CDH20: variants seen among roughly 807,000 people sequenced by gnomAD.
The protein encoded by CDH20 is cadherin 20.
Under a neutral mutation model 74.2 loss-of-function variants are expected in CDH20, and 29 were observed. That is an observed-to-expected ratio of 0.39 (90% CI 0.29 to 0.53). CDH20 has a LOEUF of 0.53. Among genes scored for constraint, CDH20 ranks in the 20% least tolerant of loss-of-function variants. The probability of loss-of-function intolerance (pLI) is 0.69; values close to 1 mark genes in which losing one functional copy is unlikely to be tolerated. For missense variants in CDH20, 988 were observed against 1,048.3 expected (o/e 0.94, Z 0.79); for synonymous variants, 469 against 405.4 (o/e 1.16, Z -1.88).
intron 1 of CDH20, among the ~76,000 whole-genome samples, chr18:61,364,587 C>T (rs569794102): frequency 8.7e-4 from 133 of 152,228 alleles, no homozygotes; most frequent in Non-Finnish European, 1.7e-3. Context: ...GCTGGGATTA[C>T]AGGCGTGAGC....
At chr18:61,467,557 C>T (rs1910003813) in intron 1 of CDH20, among the ~76,000 whole-genome samples, 1 of 152,146 alleles carries the variant, frequency 6.6e-6, no homozygotes, top group Admixed American at 6.6e-5. Flanking sequence ...GAAAAATTCA[C>T]TCCCTCCCTC....
intron 1 of CDH20, among the ~76,000 whole-genome samples, chr18:61,408,432 A>T: frequency 6.6e-6 from 1 of 152,196 alleles, no homozygotes; most frequent in Non-Finnish European, 1.5e-5. Flanking sequence ...AGGCTGGATG[A>T]TCTCTGGTTT....
chr18:61,393,279 C>T (rs1911854930), intron 1 of CDH20, among the ~76,000 whole-genome samples: 2 of 152,160 alleles, frequency 1.3e-5, no homozygotes, highest in Admixed American at 1.3e-4. Flanking sequence ...ACAGTGCCTG[C>T]CAAATCCAGC....
At chr18:61,349,828 C>A (rs145065193) in intron 1 of CDH20, among the ~76,000 whole-genome samples, 1 of 151,774 alleles carries the variant, frequency 6.6e-6, no homozygotes, top group African/African-American at 2.4e-5. Context: ...TCTCACGCTG[C>A]AGGTTGTCAC....
At chr18:61,428,976 G>A (rs942911868) in intron 1 of CDH20, among the ~76,000 whole-genome samples, 4 of 152,006 alleles carry the variant, frequency 2.6e-5, no homozygotes, top group Admixed American at 6.6e-5. Context: ...ACTTGTCTAT[G>A]CCACAGTAGT....
intron 1 of CDH20, among the ~76,000 whole-genome samples, chr18:61,334,911 G>A (rs1909706613): frequency 6.6e-6 from 1 of 152,000 alleles, no homozygotes; most frequent in Non-Finnish European, 1.5e-5. Flanking sequence ...CCTGCAAATT[G>A]AACCTGCAGC....
intron 1 of CDH20, among the ~76,000 whole-genome samples, chr18:61,363,500 A>G (rs1870342060): frequency 6.6e-6 from 1 of 152,236 alleles, no homozygotes; most frequent in Non-Finnish European, 1.5e-5. Flanking sequence ...AGACGTCAAG[A>G]AAATTAAAAT....
At chr18:61,447,251 G>A (rs1398724988) in intron 1 of CDH20, among the ~76,000 whole-genome samples, 1 of 152,196 alleles carries the variant, frequency 6.6e-6, no homozygotes, top group African/African-American at 2.4e-5. Flanking sequence ...ATCCAAAGTA[G>A]AGTTTACCAG....
chr18:61,348,913 T>C (rs1244269873), intron 1 of CDH20, among the ~76,000 whole-genome samples: 1 of 152,184 alleles, frequency 6.6e-6, no homozygotes, highest in Non-Finnish European at 1.5e-5. Flanking sequence ...AAAGCAGGAT[T>C]GTGTGGAAAG....
chr18:61,399,581 T>C (rs1912093562), intron 1 of CDH20, among the ~76,000 whole-genome samples: 1 of 152,210 alleles, frequency 6.6e-6, no homozygotes, highest in Non-Finnish European at 1.5e-5. Flanking sequence ...TACTGCCATT[T>C]TTTTCATGGA....
chr18:61,529,502 G>T (rs893341124), intron 7 of CDH20, among the ~76,000 whole-genome samples: 5 of 152,036 alleles, frequency 3.3e-5, no homozygotes, highest in African/African-American at 1.2e-4. Context: ...TTTTTCAAAG[G>T]CAACTAATGT....
intron 9 of CDH20, among the ~76,000 whole-genome samples, chr18:61,544,068 C>A (rs1213311731): frequency 6.6e-6 from 1 of 152,242 alleles, no homozygotes; most frequent in Non-Finnish European, 1.5e-5. Flanking sequence ...TACTAACATA[C>A]TCAAGCCCAA....
chr18:61,449,834 T>C lies in CDH20; in HGVS notation c.-152-40568T>C, dbSNP rs1203910338. Among the ~76,000 whole-genome samples, 6 of 152,152 alleles carry C rather than the reference T, an allele frequency of 3.9e-5. No homozygotes were observed. In the East Asian group the frequency reaches 1.2e-3, roughly 29 times the overall value. On this transcript the variant is annotated intron_variant, in intron 1 of 11. Coordinates refer to ENST00000262717, the MANE Select transcript of CDH20 (RefSeq NM_031891.4). The stretch of plus-strand genomic sequence containing the variant: ...CTGAACAGGGAGGGGGTATTTTCTT[T>C]AATAAATGAAAATCAAGAGTCTTGC...
At position 61,551,377 on chromosome 18, in the gene CDH20, A is replaced by C. The variant is rs188277056; in HGVS notation, c.1900+1148A>C. Among the ~76,000 whole-genome samples, 3 of 152,314 alleles carry C rather than the reference A, an allele frequency of 2.0e-5. No homozygotes were observed. In the East Asian group the frequency reaches 5.8e-4, roughly 29 times the overall value. ...GCCCTGAGGATTGAAATTAGAATAG[A>C]GGTACAGATATTCACATACACCCTT... On this transcript the variant is annotated intron_variant, in intron 11 of 11. Transcript: ENST00000262717.
chr18:61,511,837 AT>A (rs1443949065), intron 6 of CDH20, among the ~76,000 whole-genome samples: 1 of 152,206 alleles, frequency 6.6e-6, no homozygotes, highest in African/African-American at 2.4e-5. Context: ...ATACATATCA[AT>A]TTTGCCAAGG....
intron 9 of CDH20, among the ~76,000 whole-genome samples, chr18:61,541,724 G>C (rs1449396968): frequency 6.6e-6 from 1 of 152,176 alleles, no homozygotes; most frequent in Non-Finnish European, 1.5e-5. Flanking sequence ...GGGCCTCCTT[G>C]TGTTTACTTG....
At chr18:61,517,988 TA>T (rs1912064555) in intron 6 of CDH20, among the ~76,000 whole-genome samples, 1 of 152,072 alleles carries the variant, frequency 6.6e-6, no homozygotes, top group South Asian at 2.1e-4. Flanking sequence ...CCTAACAGTG[TA>T]AACAAAGCCA....
intron 4 of CDH20, among the ~76,000 whole-genome samples, chr18:61,500,733 TGC>T (rs35485325): frequency 0.065 from 9,822 of 152,230 alleles, 347 homozygotes; most frequent in Middle Eastern, 0.11. Flanking sequence ...AAAGCCCCTC[TGC>T]GCAAACACAC....
intron 1 of CDH20, among the ~76,000 whole-genome samples, chr18:61,449,584 A>C (rs976276410): frequency 6.6e-6 from 1 of 152,122 alleles, no homozygotes; most frequent in Non-Finnish European, 1.5e-5. Context: ...TAAATTATTT[A>C]AAATAGCATA....
Sources: gnomAD v4.1 joint callset for allele counts (sites outside exome capture counted in the v4.1 genomes callset) on GRCh38, gnomAD v4.1.1 for gene constraint, MANE v1.5 for transcripts, NCBI Gene and HGNC (gene_info 2026-07-23, HGNC 2026-07-21) for gene names.